TMEM178B: variants seen among roughly 807,000 people sequenced by gnomAD.
TMEM178B encodes transmembrane protein 178B.
In TMEM178B, 5 loss-of-function variants were observed where a neutral mutation model predicts 31.0. The observed-to-expected ratio is 0.16, with a 90% CI of 0.08 to 0.34. TMEM178B has a LOEUF of 0.34. Ranked by LOEUF, TMEM178B falls within the 10% of genes least tolerant of loss-of-function variation. TMEM178B has a pLI of 1.00. For synonymous variants in TMEM178B, 164 were observed against 164.0 expected (o/e 1.00, Z 0.00); for missense variants, 275 against 400.3 (o/e 0.69, Z 2.67).
intron 2 of TMEM178B, chr7:141,431,059 A>C (rs992713968): frequency 1.3e-5 from 2 of 152,160 alleles, no homozygotes; most frequent in Admixed American, 6.5e-5. Flanking sequence ...GCAGCACTAC[A>C]GGCACTAGCT....
intron 2 of TMEM178B, among the ~76,000 whole-genome samples, chr7:141,377,159 G>GTATGTATTTATT (rs373871106): frequency 6.9e-6 from 1 of 145,172 alleles, no homozygotes; most frequent in East Asian, 2.0e-4. Context: ...GGCTACTTCT[G>GTATGTATTTATT]TATTTATTTA....
Position 141,217,521 on chromosome 7 carries a change from C to T in TMEM178B, c.496+4817C>T, listed in dbSNP as rs187745823. 4.8e-3 allele frequency among the ~76,000 whole-genome samples: 735 copies of T among 152,290 alleles called. 4 individuals are homozygous for T. Among genetic ancestry groups the T allele is most frequent in the African/African-American group, 0.017 (705 of 41,562 alleles). ...ACCCCAGGGAGGCTGGCAGAGGGCA[C>T]GGCAGCAGAGCCTGCCTGAGGTTGC... is the stretch of plus-strand genomic sequence containing the variant. On this transcript the variant is annotated intron_variant, in intron 2 of 3. Transcript: ENST00000565468.
At chr7:141,156,754 G>T (rs1796076904) in intron 1 of TMEM178B, among the ~76,000 whole-genome samples, 1 of 152,186 alleles carries the variant, frequency 6.6e-6, no homozygotes, top group African/African-American at 2.4e-5. Context: ...TTTTCTTGCA[G>T]CCTGCAGGGA....
intron 2 of TMEM178B, among the ~76,000 whole-genome samples, chr7:141,247,953 C>A (rs560694454): frequency 2.0e-5 from 3 of 152,174 alleles, no homozygotes; most frequent in Non-Finnish European, 1.5e-5. Context: ...GTCTGGCACC[C>A]CTCCAGGCCC....
At chr7:141,121,564 C>A (rs1164501992) in intron 1 of TMEM178B, among the ~76,000 whole-genome samples, 2 of 152,094 alleles carry the variant, frequency 1.3e-5, no homozygotes, top group Admixed American at 1.3e-4. Flanking sequence ...TGCAGTACAT[C>A]CTGTAGTAGC....
At chr7:141,295,356 T>C (rs1185254960) in intron 2 of TMEM178B, among the ~76,000 whole-genome samples, 1 of 152,202 alleles carries the variant, frequency 6.6e-6, no homozygotes, top group Non-Finnish European at 1.5e-5. Context: ...ACAGCAGGCC[T>C]GTGAGAGGAG....
intron 2 of TMEM178B, among the ~76,000 whole-genome samples, chr7:141,416,617 A>G (rs1183442074): frequency 6.6e-6 from 1 of 152,236 alleles, no homozygotes; most frequent in Non-Finnish European, 1.5e-5. Context: ...CTTTGGGAGA[A>G]CTGAAAAACA....
At chr7:141,200,589 T>C (rs1345276524) in intron 1 of TMEM178B, among the ~76,000 whole-genome samples, 2 of 152,068 alleles carry the variant, frequency 1.3e-5, no homozygotes, top group Non-Finnish European at 2.9e-5. Context: ...AAAAGGCTTA[T>C]TAAACAGATG....
chr7:141,398,366 G>C (rs545824117), intron 2 of TMEM178B, among the ~76,000 whole-genome samples: 29 of 152,238 alleles, frequency 1.9e-4, no homozygotes, highest in African/African-American at 7.0e-4. Flanking sequence ...CTGTTTTGCT[G>C]TGCTGCTTGG....
chr7:141,499,382 C>T, the TMEM178B span, among the ~76,000 whole-genome samples: 88 of 144,606 alleles, frequency 6.1e-4, no homozygotes, highest in Middle Eastern at 7.9e-3. Context: ...AATCTCAGCA[C>T]TTTGGGAGGC....
intron 2 of TMEM178B, among the ~76,000 whole-genome samples, chr7:141,242,282 T>C (rs1410487757): frequency 6.6e-6 from 1 of 152,216 alleles, no homozygotes; most frequent in Non-Finnish European, 1.5e-5. Context: ...GGAAGTTTGA[T>C]TAAAATTACA....
intron 2 of TMEM178B, among the ~76,000 whole-genome samples, chr7:141,242,810 G>A (rs1160379780): frequency 3.3e-5 from 5 of 151,948 alleles, no homozygotes; most frequent in East Asian, 3.9e-4. Context: ...CCCAGAGTGC[G>A]GGGGTTACAG....
At chr7:141,191,623 G>A (rs1381022112) in intron 1 of TMEM178B, among the ~76,000 whole-genome samples, 1 of 152,154 alleles carries the variant, frequency 6.6e-6, no homozygotes, top group African/African-American at 2.4e-5. Flanking sequence ...CTTTTCATAT[G>A]TTTAAGTAAC....
chr7:141,231,218 C>T (rs1563125663), intron 2 of TMEM178B, among the ~76,000 whole-genome samples: 1 of 151,776 alleles, frequency 6.6e-6, no homozygotes, highest in African/African-American at 2.4e-5. Context: ...AGGCAAGCAG[C>T]TCAGTGCATA....
intron 2 of TMEM178B, among the ~76,000 whole-genome samples, chr7:141,378,416 GT>G (rs1310505978): frequency 6.6e-6 from 1 of 152,074 alleles, no homozygotes. Context: ...AGCCCATATG[GT>G]TTTTTTCTGA....
intron 1 of TMEM178B, among the ~76,000 whole-genome samples, chr7:141,178,261 A>G (rs1465059939): frequency 1.3e-5 from 2 of 152,228 alleles, no homozygotes; most frequent in Non-Finnish European, 2.9e-5. Flanking sequence ...AGAATGTTGA[A>G]TATTGGCCCC....
Position 141,116,417 on chromosome 7 carries a change from C to A in TMEM178B, c.382+41725C>A, listed in dbSNP as rs533862889. On this transcript the variant is annotated intron_variant, in intron 1 of 3. Transcript: ENST00000565468. ...CTGAGACCAAGAGGGATGCTAGATT[C>A]AAATGTTTAGTTCATTTAGGGAGTT... is the stretch of plus-strand genomic sequence containing the variant. Among the ~76,000 whole-genome samples the A allele has an allele frequency of 5.9e-5, 9 of 152,088 alleles. No homozygotes were observed. The South Asian group carries it at 1.2e-3, about 21-fold the overall frequency.
rs186932085 is a variant in TMEM178B, at chr7:141,395,387, G to T, written c.497-42221G>T. Among the ~76,000 whole-genome samples the T allele has an allele frequency of 4.6e-3, 708 of 152,334 alleles. 5 individuals are homozygous for T. The highest frequency in any genetic ancestry group is 6.8e-3 in the Middle Eastern group (2 of 294). On this transcript the variant is annotated intron_variant, in intron 2 of 3. Transcript: ENST00000565468. ...GCCCAGGAGGTTGAGGCTGCAGGGA[G>T]CTGGGATCATGCCACTGCACTCCAG... is the stretch of plus-strand genomic sequence containing the variant.
intron 2 of TMEM178B, among the ~76,000 whole-genome samples, chr7:141,289,367 A>G (rs1798504404): frequency 6.6e-6 from 1 of 152,154 alleles, no homozygotes; most frequent in African/African-American, 2.4e-5. Context: ...CCTGGCATAT[A>G]TTATCATGAC....
Sources: gnomAD v4.1 joint callset for allele counts (sites outside exome capture counted in the v4.1 genomes callset) on GRCh38, gnomAD v4.1.1 for gene constraint, MANE v1.5 for transcripts, NCBI Gene and HGNC (gene_info 2026-07-23, HGNC 2026-07-21) for gene names.